The following KCNC2 variants were observed in gnomAD, a reference collection of about 807,000 sequenced individuals.
KCNC2 encodes voltage-gated potassium channel KCNC2.
KCNC2 carries 21 observed loss-of-function variants against 44.5 expected under a neutral mutation model. That is an observed-to-expected ratio of 0.47 (90% confidence interval 0.33 to 0.68). KCNC2 has a LOEUF of 0.68. Among genes scored for constraint, KCNC2 ranks in the 30% least tolerant of loss-of-function variants. KCNC2 has a pLI of 0.01. For synonymous variants in KCNC2, 391 were observed against 339.1 expected, an observed-to-expected ratio of 1.15 and a Z score of -1.68; for missense variants, 589 against 826.2, an observed-to-expected ratio of 0.71 and a Z score of 3.52.
Position 75,207,290 on chromosome 12 carries a change from G to T in KCNC2, c.687+7C>A, listed in dbSNP as rs747379776. ...AGCAGCAGGGAAGGGGTCGATTCTG[G>T]CCTTACCCTGGCGGCTCTGGACGAG... On this transcript the variant is annotated splice_region_variant and intron_variant, in intron 2 of 4. Transcript: ENST00000549446. This position sits in a 1 kb window ranked among gnomAD's most constrained non-coding sequence, Gnocchi z 4.1. 15 of 1,531,954 alleles carry T rather than the reference G, an allele frequency of 9.8e-6. No individual in the cohort carries two copies. Among genetic ancestry groups the T allele is most frequent in the Non-Finnish European group, 1.2e-5 (14 of 1,144,086 alleles). 94.9% of individuals were successfully genotyped at this position (1,531,954 alleles called of 1,614,324 possible). A position where few individuals can be genotyped will look rare whatever the true frequency, so the allele number is the denominator to read the frequency against.
chr12:75,150,787 C>T (rs1890336989), intron 2 of KCNC2, among the ~76,000 whole-genome samples: 1 of 151,740 alleles, frequency 6.6e-6, no homozygotes, highest in Admixed American at 6.6e-5. Context: ...TAATGCTCTT[C>T]TGAATATCAT....
intron 2 of KCNC2, among the ~76,000 whole-genome samples, chr12:75,140,708 G>T (rs1018051895): frequency 1.3e-5 from 2 of 149,094 alleles, no homozygotes; most frequent in Non-Finnish European, 3.0e-5. Context: ...GACCAAAAAA[G>T]AAAAAAAAAG....
intron 2 of KCNC2, among the ~76,000 whole-genome samples, chr12:75,093,813 A>C (rs1885695084): frequency 6.6e-6 from 1 of 151,710 alleles, no homozygotes; most frequent in Non-Finnish European, 1.5e-5. Context: ...TTCAATTAAG[A>C]AACATAGGTC....
At chr12:75,053,769 T>C (rs1407645015) in intron 2 of KCNC2, among the ~76,000 whole-genome samples, 2 of 147,540 alleles carry the variant, frequency 1.4e-5, no homozygotes, top group Non-Finnish European at 3.0e-5. Flanking sequence ...ATTTATATAA[T>C]TAAATAATTA....
At chr12:75,110,700 T>C (rs1237725385) in intron 2 of KCNC2, among the ~76,000 whole-genome samples, 5 of 152,228 alleles carry the variant, frequency 3.3e-5, no homozygotes, top group South Asian at 4.1e-4. Context: ...TATGGATTCT[T>C]TTTGGAAGTC....
Position 75,043,378 on chromosome 12 carries a change from C to A in KCNC2, c.1781-137G>T, listed in dbSNP as rs896060379. The A allele has an allele frequency of 2.1e-6, 3 of 1,397,822 alleles. No homozygotes were observed. The African/African-American group carries it at 4.4e-5, about 20-fold the overall frequency. 86.6% of individuals were successfully genotyped at this position (1,397,822 alleles called of 1,614,324 possible). A position where few individuals can be genotyped will look rare whatever the true frequency, so the allele number is the denominator to read the frequency against. On this transcript the variant is annotated intron_variant, in intron 4 of 4. Coordinates refer to ENST00000549446, the MANE Select transcript of KCNC2 (RefSeq NM_139137.4). Reference sequence around the variant, plus strand: ...GTTTACAAAGAATTTAATATTGAGACAATTTATAACTCTAAAAAAATGAAG... The same window carrying A: ...GTTTACAAAGAATTTAATATTGAGAAAATTTATAACTCTAAAAAAATGAAG...
Position 75,051,221 on chromosome 12 carries a change from C to G in KCNC2, c.784G>C (p.Glu262Gln), listed in dbSNP as rs752685936. The change falls in exon 3 of 5, where the codon GAA becomes CAA. Residue 262 changes from glutamate to glutamine, a missense_variant. Physicochemically the swap from Glu to Gln is conservative, Grantham distance 29. This residue lies in a region of KCNC2 where 40 missense variants were observed against 40.6 expected (regional missense o/e 0.99). Coordinates refer to ENST00000549446, the MANE Select transcript of KCNC2 (RefSeq NM_139137.4). Reference protein sequence around the residue: ...EAFNIVKNKTEPVINGTSVVL... With the variant: ...EAFNIVKNKTQPVINGTSVVL... ...ACACTTGTGCCATTGATGACTGGTTCTGTCTTGTTTTTAACAATATTGAAA... is the reference window on the plus strand; with the variant it reads ...ACACTTGTGCCATTGATGACTGGTTGTGTCTTGTTTTTAACAATATTGAAA... 9 of 1,612,416 alleles carry G rather than the reference C, an allele frequency of 5.6e-6. No homozygotes were observed. Among genetic ancestry groups the G allele is most frequent in the Admixed American group, 1.7e-5 (1 of 59,906 alleles).
chr12:75,155,125 A>G (rs201622444), intron 2 of KCNC2, among the ~76,000 whole-genome samples: 1 of 53,936 alleles, frequency 1.9e-5, no homozygotes, highest in Non-Finnish European at 3.0e-5. Context: ...CTCTCCCAAG[A>G]AAAAAAAACG....
At chr12:75,104,025 G>T (rs2137194901) in intron 2 of KCNC2, among the ~76,000 whole-genome samples, 1 of 152,086 alleles carries the variant, frequency 6.6e-6, no homozygotes, top group South Asian at 2.1e-4. Context: ...GCGTCAGAAG[G>T]AGGATCATCT....
intron 2 of KCNC2, among the ~76,000 whole-genome samples, chr12:75,109,623 C>T (rs912510290): frequency 6.6e-6 from 1 of 151,984 alleles, no homozygotes; most frequent in African/African-American, 2.4e-5. Flanking sequence ...ATTTTAAGTC[C>T]CCTGTCTATT....
At chr12:75,163,790 A>C (rs1173697380) in intron 2 of KCNC2, among the ~76,000 whole-genome samples, 1 of 151,660 alleles carries the variant, frequency 6.6e-6, no homozygotes, top group Non-Finnish European at 1.5e-5. Flanking sequence ...AAACCTAAAA[A>C]CTTGAAATGC....
intron 2 of KCNC2, among the ~76,000 whole-genome samples, chr12:75,184,550 C>A (rs1305043750): frequency 6.6e-6 from 1 of 152,072 alleles, no homozygotes; most frequent in Non-Finnish European, 1.5e-5. Context: ...GGGAGAACTT[C>A]CTGGAAGTCA....
At chr12:75,046,960 A>C (rs1880592486) in intron 4 of KCNC2, among the ~76,000 whole-genome samples, 1 of 152,018 alleles carries the variant, frequency 6.6e-6, no homozygotes, top group Non-Finnish European at 1.5e-5. Flanking sequence ...AAAGAAAAAG[A>C]GATTCACAAA....
chr12:75,157,836 T>C (rs1290867098), intron 2 of KCNC2, among the ~76,000 whole-genome samples: 1 of 151,952 alleles, frequency 6.6e-6, no homozygotes, highest in African/African-American at 2.4e-5. Context: ...AAAAATACAA[T>C]GACATTATCA....
At chr12:75,076,570 C>A (rs997483147) in intron 2 of KCNC2, among the ~76,000 whole-genome samples, 1 of 152,154 alleles carries the variant, frequency 6.6e-6, no homozygotes, top group Non-Finnish European at 1.5e-5. Flanking sequence ...CCGCGCCTGG[C>A]CTCAGAACCT....
chr12:75,167,782 A>AT (rs1476792819), intron 2 of KCNC2, among the ~76,000 whole-genome samples: 6 of 150,798 alleles, frequency 4.0e-5, no homozygotes, highest in Non-Finnish European at 7.4e-5. Context: ...TATTATTTGC[A>AT]TTTTTTTTCT....
At chr12:75,122,478 A>G (rs181060475) in intron 2 of KCNC2, among the ~76,000 whole-genome samples, 4 of 152,336 alleles carry the variant, frequency 2.6e-5, no homozygotes, top group Admixed American at 6.5e-5. Context: ...AACTCTTCCC[A>G]TCTATGAATA....
At chr12:75,208,757 T>C (rs917396927) in intron 1 of KCNC2, among the ~76,000 whole-genome samples, 1 of 152,140 alleles carries the variant, frequency 6.6e-6, no homozygotes, top group Non-Finnish European at 1.5e-5. Flanking sequence ...AAATCTCTGC[T>C]GTTGCTTTTC....
In KCNC2 at chr12:75,207,332, G is replaced by C; in HGVS notation, c.652C>G (p.Leu218Val). The C allele has an allele frequency of 6.4e-7, 1 of 1,568,794 alleles. No homozygotes were observed. The highest frequency in any genetic ancestry group is 8.6e-7 in the Non-Finnish European group (1 of 1,159,214). ...WRRLQPRMWA[L>V]FEDPYSSRAA... ...CTGGACGAGTAGGGGTCTTCGAAGA[G>C]GGCCCACATGCGGGGCTGCAGCCTC... Residue 218 changes from leucine (L) to valine (V), a missense_variant, in exon 2 of 5, where the codon CTC (leucine) becomes GTC (valine). Physicochemically the swap from Leu to Val is conservative, Grantham distance 32. Coordinates refer to ENST00000549446, the MANE Select transcript of KCNC2 (RefSeq NM_139137.4). The surrounding 1 kb of genome is among the most constrained non-coding windows in gnomAD (Gnocchi z 4.1).
Sources: allele counts gnomAD v4.1 joint callset (sites outside exome capture counted in the v4.1 genomes callset), GRCh38; gene constraint gnomAD v4.1.1; regional missense constraint gnomAD v4.1.1; non-coding constraint Gnocchi (gnomAD v3.1); transcripts MANE v1.5; gene names NCBI Gene and HGNC (gene_info 2026-07-23, HGNC 2026-07-21).